The following MYO16 variants were observed in gnomAD, a reference collection of about 807,000 sequenced individuals.
MYO16 encodes the protein myosin XVI.
A neutral mutation model predicts 205.3 loss-of-function variants in MYO16; 94 were observed. That is an observed-to-expected ratio of 0.46 (90% confidence interval 0.39 to 0.54). The LOEUF is 0.54. MYO16 is among the 20% of genes least tolerant of loss of function. MYO16 has a pLI of 0.00. For synonymous variants in MYO16, 988 were observed against 954.0 expected, an observed-to-expected ratio of 1.04 and a Z score of -0.66; for missense variants, 2,315 against 2,387.5, an observed-to-expected ratio of 0.97 and a Z score of 0.63.
At chr13:109,088,408 C>T (rs543442077) in intron 27 of MYO16, among the ~76,000 whole-genome samples, 147 of 152,278 alleles carry the variant, frequency 9.7e-4, no homozygotes, top group African/African-American at 3.5e-3. Context: ...TATGGCACAA[C>T]TAAAATGAAA....
At chr13:108,505,251 C>T in the MYO16 span, among the ~76,000 whole-genome samples, 1 of 152,182 alleles carries the variant, frequency 6.6e-6, no homozygotes, top group African/African-American at 2.4e-5. Context: ...TCCATAGTGG[C>T]TGCACCATTT....
At chr13:109,067,048 T>C (rs1413423678) in intron 27 of MYO16, among the ~76,000 whole-genome samples, 1 of 152,178 alleles carries the variant, frequency 6.6e-6, no homozygotes, top group Non-Finnish European at 1.5e-5. Context: ...TACAAGCAGT[T>C]TACTAAATCA....
chr13:108,890,327 A>G (rs993888345), intron 14 of MYO16, among the ~76,000 whole-genome samples: 1 of 152,038 alleles, frequency 6.6e-6, no homozygotes, highest in Admixed American at 6.6e-5. Context: ...GTCCACAGTC[A>G]TTGCTGCTGT....
intron 2 of MYO16, among the ~76,000 whole-genome samples, chr13:108,675,654 C>T (rs1036679928): frequency 1.3e-5 from 2 of 152,056 alleles, no homozygotes; most frequent in African/African-American, 2.4e-5. Context: ...TAGGATGACA[C>T]GAATCTGAAA....
intron 16 of MYO16, among the ~76,000 whole-genome samples, chr13:108,911,601 A>G (rs530348870): frequency 2.6e-5 from 4 of 152,338 alleles, no homozygotes; most frequent in East Asian, 1.9e-4. Context: ...AAGAACAGCC[A>G]TGGTCAGAAA....
At chr13:108,878,510 A>G (rs1393073515) in intron 12 of MYO16, among the ~76,000 whole-genome samples, 1 of 152,104 alleles carries the variant, frequency 6.6e-6, no homozygotes, top group Non-Finnish European at 1.5e-5. Flanking sequence ...CCCTGCATTC[A>G]CCATCCTTCA....
At chr13:109,145,660 A>C (rs1877296403) in intron 32 of MYO16, among the ~76,000 whole-genome samples, 1 of 152,210 alleles carries the variant, frequency 6.6e-6, no homozygotes, top group African/African-American at 2.4e-5. Context: ...TATTATGCTA[A>C]TTATTTCTAG....
At chr13:108,855,885 G>A (rs1356466339) in intron 11 of MYO16, among the ~76,000 whole-genome samples, 1 of 152,200 alleles carries the variant, frequency 6.6e-6, no homozygotes, top group South Asian at 2.1e-4. Flanking sequence ...ATTGCTGTCT[G>A]TCTCCTCTAC....
intron 2 of MYO16, among the ~76,000 whole-genome samples, chr13:108,693,398 C>A (rs1299820870): frequency 1.3e-5 from 2 of 152,184 alleles, no homozygotes; most frequent in Non-Finnish European, 1.5e-5. Context: ...CATCTCCCCA[C>A]TTCCTCTAGC....
intron 23 of MYO16, 109 bp downstream of exon 23, chr13:109,020,020 A>G: frequency 9.1e-7 from 1 of 1,101,592 alleles, no homozygotes; most frequent in Non-Finnish European, 1.3e-6. Context: ...GATAAATGGA[A>G]GCTGGATGAA....
Position 108,681,263 on chromosome 13 carries a change from T to G in MYO16, c.292+15114T>G, listed in dbSNP as rs140891503. The stretch of plus-strand genomic sequence containing the variant: ...TATATTTGATATTCTCTGTATAAAC[T>G]GACCATGGGTCTTTCACGTCTCCCT... On this transcript the variant is annotated intron_variant, in intron 2 of 34. Coordinates refer to ENST00000457511, the MANE Select transcript of MYO16 (RefSeq NM_001198950.3). Among the ~76,000 whole-genome samples the G allele has an allele frequency of 2.3e-4, 35 of 152,362 alleles. No individual in the cohort carries two copies. The East Asian group carries it at 6.0e-3, about 26-fold the overall frequency.
the MYO16 span, among the ~76,000 whole-genome samples, chr13:108,561,485 T>C: frequency 1.3e-5 from 2 of 152,356 alleles, no homozygotes; most frequent in East Asian, 3.9e-4. Flanking sequence ...TTTCTAATAG[T>C]TACATGTGAA....
intron 22 of MYO16, among the ~76,000 whole-genome samples, chr13:109,013,114 A>AC (rs1181676669): frequency 0.31 from 17,181 of 54,946 alleles, 2,286 homozygotes; most frequent in Admixed American, 0.34. Context: ...CCCCTCCCCC[A>AC]CCCCCCCCCA....
intron 27 of MYO16, among the ~76,000 whole-genome samples, chr13:109,060,720 G>C (rs977153808): frequency 1.3e-5 from 2 of 152,136 alleles, no homozygotes; most frequent in South Asian, 2.1e-4. Flanking sequence ...AGGGAGGGTA[G>C]ACTTAGCATA....
chr13:108,766,420 A>G (rs1177410521), intron 4 of MYO16, among the ~76,000 whole-genome samples: 1 of 152,204 alleles, frequency 6.6e-6, no homozygotes, highest in Non-Finnish European at 1.5e-5. Context: ...GGGGCCTTCA[A>G]CTGTGACATG....
the MYO16 span, among the ~76,000 whole-genome samples, chr13:108,582,151 C>T: frequency 6.6e-6 from 1 of 151,846 alleles, no homozygotes; most frequent in Admixed American, 6.6e-5. Context: ...GTTCAGATTC[C>T]CCAGTACTTT....
At chr13:108,608,899 C>A (rs555846358) in intron 1 of MYO16, among the ~76,000 whole-genome samples, 63 of 152,304 alleles carry the variant, frequency 4.1e-4, no homozygotes, top group Non-Finnish European at 2.5e-4. Context: ...CTGCCTCAGC[C>A]TCCCAAAGTG....
chr13:109,053,771 A>G (rs951667076), intron 25 of MYO16, among the ~76,000 whole-genome samples: 1 of 152,058 alleles, frequency 6.6e-6, no homozygotes, highest in Admixed American at 6.6e-5. Context: ...TCATCCATGC[A>G]CAGCCACCCC....
Position 108,666,025 on chromosome 13 carries a change from C to A in MYO16, c.168C>A (p.Arg56=). 1 of 1,614,016 alleles carries A rather than the reference C, an allele frequency of 6.2e-7. No homozygotes were observed. The highest frequency in any genetic ancestry group is 8.5e-7 in the Non-Finnish European group (1 of 1,179,986). ...AGCAAATCAAAGCCTACTATGAGCG[C>A]GAGAAGGCTTTTCAGAAGCAGGAAG... ...RCEQIKAYYE[R]EKAFQKQEGF... is the part of the protein sequence containing the mutation. Residue 56 remains arginine (R), a synonymous_variant, in exon 2 of 35, where the codon CGC becomes CGA. Transcript: ENST00000457511.
Sources: allele counts gnomAD v4.1 joint callset (sites outside exome capture counted in the v4.1 genomes callset), GRCh38; gene constraint gnomAD v4.1.1; transcripts MANE v1.5; gene names NCBI Gene and HGNC (gene_info 2026-07-23, HGNC 2026-07-21).